IQSEC1: variants seen among roughly 807,000 people sequenced by gnomAD.
The protein encoded by IQSEC1 is IQ motif and Sec7 domain ArfGEF 1.
IQSEC1 carries 31 observed loss-of-function variants against 91.0 expected under a neutral mutation model. The ratio of observed to expected loss-of-function variants is 0.34; its 90% CI spans 0.26 to 0.46. IQSEC1 has a LOEUF of 0.46. Ranked by LOEUF, IQSEC1 falls within the 20% of genes least tolerant of loss-of-function variation. IQSEC1 has a pLI of 1.00. For missense variants in IQSEC1, 1,388 were observed against 1,575.6 expected, an observed-to-expected ratio of 0.88 and a Z score of 2.02; for synonymous variants, 699 against 662.6, an observed-to-expected ratio of 1.05 and a Z score of -0.84.
Position 12,900,468 on chromosome 3 carries a change from T to A in IQSEC1, c.*515A>T, listed in dbSNP as rs1694132148. ...CCTATACAGTATATATATATATATA[T>A]TTATATATTTATATATTTATATAAA... is the stretch of plus-strand genomic sequence containing the variant. On this transcript the variant is annotated 3_prime_UTR_variant, in exon 14 of 14. Coordinates refer to ENST00000613206, the MANE Select transcript of IQSEC1 (RefSeq NM_001134382.3). The A allele has an allele frequency of 3.0e-6, 2 of 658,460 alleles. No homozygotes were observed. Among genetic ancestry groups the A allele is most frequent in the African/African-American group, 2.0e-5 (1 of 50,222 alleles). 40.8% of individuals were successfully genotyped at this position (658,460 alleles called of 1,614,324 possible). A position where few individuals can be genotyped will look rare whatever the true frequency, so the allele number is the denominator to read the frequency against.
chr3:13,274,127 G>A (rs542969959), intron 1 of IQSEC1, among the ~76,000 whole-genome samples: 2 of 152,204 alleles, frequency 1.3e-5, no homozygotes, highest in Admixed American at 6.5e-5. Flanking sequence ...ACCCCACCAG[G>A]TCCCATTCAG....
intron 1 of IQSEC1, among the ~76,000 whole-genome samples, chr3:13,250,929 G>C (rs1695184331): frequency 6.6e-6 from 1 of 152,136 alleles, no homozygotes; most frequent in African/African-American, 2.4e-5. Context: ...CAGCATCCAG[G>C]GCTCCAGGTC....
At chr3:13,278,542 G>T (rs1159705969) in intron 1 of IQSEC1, among the ~76,000 whole-genome samples, 1 of 152,180 alleles carries the variant, frequency 6.6e-6, no homozygotes, top group Non-Finnish European at 1.5e-5. Flanking sequence ...GGGGAGGCTG[G>T]GTGTGGTGGC....
intron 1 of IQSEC1, among the ~76,000 whole-genome samples, chr3:13,026,633 G>T (rs968365424): frequency 4.6e-5 from 7 of 152,176 alleles, no homozygotes; most frequent in Non-Finnish European, 7.3e-5. Context: ...GTATAAACTA[G>T]ATCATTTCTC....
At chr3:13,165,618 C>T (rs1158269016) in intron 1 of IQSEC1, among the ~76,000 whole-genome samples, 1 of 146,974 alleles carries the variant, frequency 6.8e-6, no homozygotes, top group African/African-American at 2.5e-5. Flanking sequence ...TTAGGTTGCT[C>T]ACCCTGGGGA....
Position 12,900,280 on chromosome 3 carries a change from T to A in IQSEC1, c.*703A>T, listed in dbSNP as rs991732965. The A allele has an allele frequency of 2.0e-6, 2 of 985,076 alleles. No individual in the cohort carries two copies. The highest frequency in any genetic ancestry group is 2.4e-6 in the Non-Finnish European group (2 of 829,690). 61.0% of individuals were successfully genotyped at this position (985,076 alleles called of 1,614,324 possible). On this transcript the variant is annotated 3_prime_UTR_variant, in exon 14 of 14. Coordinates refer to ENST00000613206, the MANE Select transcript of IQSEC1 (RefSeq NM_001134382.3). The stretch of plus-strand genomic sequence containing the variant: ...CCAGTCCTAGAGGGACTTCTTTGTA[T>A]GAAAATATGAAGTATCTGAATTTGT...
At chr3:12,911,773 G>C (rs1171651179) in intron 9 of IQSEC1, 45 bp from the exon 10 acceptor site, 1 of 1,327,554 alleles carries the variant, frequency 7.5e-7, no homozygotes, top group Non-Finnish European at 1.1e-6. Flanking sequence ...GTCTCGGGGG[G>C]CACTGACTAT....
intron 2 of IQSEC1, among the ~76,000 whole-genome samples, chr3:13,107,486 G>T (rs905032772): frequency 6.6e-6 from 1 of 152,218 alleles, no homozygotes; most frequent in Non-Finnish European, 1.5e-5. Context: ...TACACATGGA[G>T]AAACAGGCTC....
chr3:13,062,973 G>A (rs538156948), intron 1 of IQSEC1, among the ~76,000 whole-genome samples: 4 of 152,244 alleles, frequency 2.6e-5, no homozygotes, highest in Non-Finnish European at 5.9e-5. Flanking sequence ...CGGAGGTCGG[G>A]CCAGTGTGGC....
chr3:13,182,890 C>T (rs538854210), intron 1 of IQSEC1, among the ~76,000 whole-genome samples: 11 of 152,280 alleles, frequency 7.2e-5, no homozygotes, highest in Middle Eastern at 3.4e-3. Context: ...GTAGGCCGGT[C>T]GCAGTGGCTC....
intron 1 of IQSEC1, among the ~76,000 whole-genome samples, chr3:13,248,888 C>T (rs9862477): frequency 2.0e-5 from 3 of 152,244 alleles, no homozygotes; most frequent in South Asian, 2.1e-4. Context: ...GTAACTTGCC[C>T]GAGGTCACGT....
chr3:13,022,206 TC>T (rs1703433437), intron 1 of IQSEC1: 2 of 1,230,130 alleles, frequency 1.6e-6, no homozygotes, highest in Admixed American at 8.5e-5. Context: ...GATTTTCAGG[TC>T]CCTTCCTTCT....
chr3:13,145,087 G>A (rs543165319), intron 2 of IQSEC1, among the ~76,000 whole-genome samples: 19 of 152,256 alleles, frequency 1.2e-4, no homozygotes, highest in East Asian at 5.8e-4. Context: ...TGTGAAGGGT[G>A]GGGGGGCTGG....
intron 1 of IQSEC1, among the ~76,000 whole-genome samples, chr3:12,962,962 A>T (rs1267650267): frequency 6.6e-6 from 1 of 152,254 alleles, no homozygotes; most frequent in Non-Finnish European, 1.5e-5. Flanking sequence ...AAAAGGCTCC[A>T]TTCATGGTGG....
intron 12 of IQSEC1, among the ~76,000 whole-genome samples, chr3:12,905,281 C>T (rs1421216542): frequency 1.3e-5 from 2 of 152,266 alleles, no homozygotes; most frequent in Non-Finnish European, 2.9e-5. Flanking sequence ...TCTTCACAAC[C>T]TTTTCAGCTT....
At chr3:13,013,804 G>A (rs1437372219) in intron 1 of IQSEC1, among the ~76,000 whole-genome samples, 1 of 152,234 alleles carries the variant, frequency 6.6e-6, no homozygotes, top group Non-Finnish European at 1.5e-5. Context: ...ATAAATGTTT[G>A]TTGAATGACT....
At chr3:13,142,163 A>G (rs1198978653) in intron 2 of IQSEC1, among the ~76,000 whole-genome samples, 1 of 152,234 alleles carries the variant, frequency 6.6e-6, no homozygotes, top group African/African-American at 2.4e-5. Flanking sequence ...GCGCAGCTCT[A>G]TGGCTGAAGA....
intron 2 of IQSEC1, among the ~76,000 whole-genome samples, chr3:13,078,605 T>A (rs923979): frequency 6.6e-6 from 1 of 152,032 alleles, no homozygotes; most frequent in Non-Finnish European, 1.5e-5. Context: ...AGGGCATCTA[T>A]GTCCACCTGC....
chr3:13,223,662 C>T (rs747830257), intron 1 of IQSEC1, among the ~76,000 whole-genome samples: 1 of 152,202 alleles, frequency 6.6e-6, no homozygotes, highest in Non-Finnish European at 1.5e-5. Flanking sequence ...AAGTTCCTGC[C>T]CACAAGAGAC....
Sources: allele counts gnomAD v4.1 joint callset (sites outside exome capture counted in the v4.1 genomes callset), GRCh38; gene constraint gnomAD v4.1.1; transcripts MANE v1.5; gene names NCBI Gene and HGNC (gene_info 2026-07-23, HGNC 2026-07-21).